NRG3: variants seen among roughly 807,000 people sequenced by gnomAD.
The protein encoded by NRG3 is neuregulin 3, also known as pro-neuregulin-3, membrane-bound isoform.
Under a neutral mutation model 66.9 loss-of-function variants are expected in NRG3, and 31 were observed. The observed-to-expected ratio is 0.46, with a 90% CI of 0.35 to 0.63. The LOEUF (loss-of-function observed/expected upper bound fraction) is 0.63. Among genes scored for constraint, NRG3 ranks in the 20% least tolerant of loss-of-function variants. NRG3 has a pLI of 0.00. For missense variants in NRG3, 910 were observed against 878.9 expected, an observed-to-expected ratio of 1.04 and a Z score of -0.45; for synonymous variants, 393 against 359.4, an observed-to-expected ratio of 1.09 and a Z score of -1.06.
intron 4 of NRG3, among the ~76,000 whole-genome samples, chr10:82,887,617 A>C (rs1365085352): frequency 1.3e-5 from 2 of 152,230 alleles, no homozygotes; most frequent in Admixed American, 6.5e-5. Flanking sequence ...CATTCTGTGA[A>C]GCTAAATCCA....
At chr10:82,153,931 A>G (rs1027059882) in intron 1 of NRG3, among the ~76,000 whole-genome samples, 1 of 151,346 alleles carries the variant, frequency 6.6e-6, no homozygotes, top group Non-Finnish European at 1.5e-5. Context: ...TTTAACATTC[A>G]GTTGTTTGAG....
Position 82,985,188 on chromosome 10 carries a change from G to A in NRG3, c.1674G>A (p.Leu558=). 1 of 1,614,112 alleles carries A rather than the reference G, an allele frequency of 6.2e-7. No homozygotes were observed. Among genetic ancestry groups the A allele is most frequent in the Non-Finnish European group, 8.5e-7 (1 of 1,180,004 alleles). The change falls in exon 9 of 9, where the codon TTG becomes TTA. Residue 558 remains leucine (L), a synonymous_variant. Transcript: ENST00000372141. ...SRETNPYFNS[L]EQKDLVGYSS... ...AGACAAACCCCTATTTTAATAGCTT[G>A]GAGCAAAAGGACCTGGTGGGCTATT...
At chr10:81,998,718 T>A (rs2061044451) in intron 1 of NRG3, among the ~76,000 whole-genome samples, 2 of 152,220 alleles carry the variant, frequency 1.3e-5, no homozygotes, top group Non-Finnish European at 2.9e-5. Context: ...TCTCTCCTTT[T>A]CTCACAACTA....
At chr10:82,353,712 G>A (rs902786401) in intron 1 of NRG3, among the ~76,000 whole-genome samples, 2 of 152,164 alleles carry the variant, frequency 1.3e-5, no homozygotes, top group African/African-American at 2.4e-5. Context: ...CAGCAGCAGT[G>A]CTTCCTTAAA....
chr10:82,419,889 T>C (rs765187435), intron 2 of NRG3, among the ~76,000 whole-genome samples: 5 of 152,094 alleles, frequency 3.3e-5, no homozygotes, highest in African/African-American at 4.8e-5. Context: ...TGTGAAGCAG[T>C]TTATATGGTA....
chr10:82,425,733 G>A (rs2089386385), intron 2 of NRG3, among the ~76,000 whole-genome samples: 1 of 152,064 alleles, frequency 6.6e-6, no homozygotes, highest in Admixed American at 6.6e-5. Context: ...AAGCAAATGT[G>A]TTTACTGTTT....
chr10:82,099,546 A>G (rs1005554821), intron 1 of NRG3, among the ~76,000 whole-genome samples: 11 of 152,222 alleles, frequency 7.2e-5, no homozygotes, highest in African/African-American at 2.7e-4. Context: ...TGTTTTGGCT[A>G]TTCTCATTCC....
At chr10:81,965,879 T>G (rs2059713138) in intron 1 of NRG3, among the ~76,000 whole-genome samples, 2 of 152,146 alleles carry the variant, frequency 1.3e-5, no homozygotes, top group Admixed American at 1.3e-4. Context: ...TATTTCTTAT[T>G]TCTAAATTAT....
At chr10:82,951,682 T>TA in intron 5 of NRG3, 111 bp downstream of exon 5, 1 of 872,054 alleles carries the variant, frequency 1.1e-6, no homozygotes, top group Non-Finnish European at 1.8e-6. Flanking sequence ...GAAATGGGTC[T>TA]AGCAACAATC....
At chr10:81,896,010 T>A (rs1843494608) in intron 1 of NRG3, among the ~76,000 whole-genome samples, 1 of 152,182 alleles carries the variant, frequency 6.6e-6, no homozygotes, top group Admixed American at 6.5e-5. Flanking sequence ...GGGAGCTAAA[T>A]TTTATCTTAA....
chr10:82,725,483 T>C (rs1390044904), intron 2 of NRG3, among the ~76,000 whole-genome samples: 2 of 152,182 alleles, frequency 1.3e-5, no homozygotes, highest in Admixed American at 6.5e-5. Context: ...CCCAAGTGCC[T>C]TATCCTTAAA....
intron 6 of NRG3, among the ~76,000 whole-genome samples, chr10:82,972,870 GA>G (rs200968714): frequency 4.7e-5 from 7 of 149,482 alleles, no homozygotes; most frequent in African/African-American, 7.3e-5. Flanking sequence ...TTTGAAATGA[GA>G]AAAAAAAAGG....
intron 3 of NRG3, among the ~76,000 whole-genome samples, chr10:82,803,807 T>C (rs1032532764): frequency 6.9e-6 from 1 of 144,464 alleles, no homozygotes; most frequent in South Asian, 2.2e-4. Context: ...CTACAAAAAA[T>C]ATTTAGCTCA....
intron 2 of NRG3, among the ~76,000 whole-genome samples, chr10:82,367,565 A>G (rs2084621725): frequency 6.6e-6 from 1 of 152,134 alleles, no homozygotes; most frequent in African/African-American, 2.4e-5. Context: ...ATATTTTTTA[A>G]AGATAAATAA....
chr10:82,059,810 C>T (rs1257576896), intron 1 of NRG3, among the ~76,000 whole-genome samples: 1 of 152,150 alleles, frequency 6.6e-6, no homozygotes, highest in Admixed American at 6.5e-5. Context: ...GCCTACATAT[C>T]TTAAAGCCTA....
At chr10:82,861,544 TG>T (rs2064126797) in intron 3 of NRG3, among the ~76,000 whole-genome samples, 1 of 152,174 alleles carries the variant, frequency 6.6e-6, no homozygotes, top group African/African-American at 2.4e-5. Context: ...TAATCAAACA[TG>T]CCACTCATTT....
intron 1 of NRG3, among the ~76,000 whole-genome samples, chr10:81,933,283 A>G (rs1847563942): frequency 6.6e-6 from 1 of 152,106 alleles, no homozygotes; most frequent in Non-Finnish European, 1.5e-5. Context: ...CAGATCCACG[A>G]TCTTATCTAA....
intron 1 of NRG3, among the ~76,000 whole-genome samples, chr10:82,131,182 G>T (rs2068792158): frequency 6.6e-6 from 1 of 152,072 alleles, no homozygotes; most frequent in South Asian, 2.1e-4. Flanking sequence ...TGAGGTCTTA[G>T]ATTTAAGTAT....
At chr10:82,921,165 A>T (rs1846385217) in intron 4 of NRG3, among the ~76,000 whole-genome samples, 1 of 152,154 alleles carries the variant, frequency 6.6e-6, no homozygotes, top group South Asian at 2.1e-4. Flanking sequence ...TGCTATTATA[A>T]TAGCACTCTA....
Sources: allele counts gnomAD v4.1 joint callset (sites outside exome capture counted in the v4.1 genomes callset), GRCh38; gene constraint gnomAD v4.1.1; transcripts MANE v1.5; gene names NCBI Gene and HGNC (gene_info 2026-07-23, HGNC 2026-07-21).